UBOX5: variants seen among roughly 807,000 people sequenced by gnomAD.
UBOX5 encodes the protein U-box domain containing 5, also known as RING finger protein 37.
A neutral mutation model predicts 39.0 loss-of-function variants in UBOX5; 28 were observed. The ratio of observed to expected loss-of-function variants is 0.72; its 90% CI spans 0.53 to 0.98. The LOEUF is 0.98. UBOX5 is among the 50% of genes least tolerant of loss of function. The pLI is 0.00. For synonymous variants in UBOX5, 283 were observed against 275.5 expected (o/e 1.03, Z -0.27); for missense variants, 585 against 674.4 (o/e 0.87, Z 1.47).
rs558684581 is a variant in UBOX5, at chr20:3,121,238, C to G, written c.1255+146G>C. 235 of 1,220,550 alleles carry G rather than the reference C, an allele frequency of 1.9e-4. 2 individuals are homozygous for G. The South Asian group carries it at 3.4e-3, about 18-fold the overall frequency. 75.6% of individuals were successfully genotyped at this position (1,220,550 alleles called of 1,614,324 possible). A position where few individuals can be genotyped will look rare whatever the true frequency, so the allele number is the denominator to read the frequency against. On this transcript the variant is annotated intron_variant, in intron 3 of 4. Coordinates refer to ENST00000217173, the MANE Select transcript of UBOX5 (RefSeq NM_014948.4). ...CTGGTCTGAAGACAAAGCTGAGGGG[C>G]CCCAGGATGGGAAACGGGAAGGAGG...
Position 3,108,981 on chromosome 20 carries a change from A to G in UBOX5, c.*1125T>C, listed in dbSNP as rs1051804094. On this transcript the variant is annotated 3_prime_UTR_variant, in exon 5 of 5. Coordinates refer to ENST00000217173, the MANE Select transcript of UBOX5 (RefSeq NM_014948.4). ...CAACTAACCCCAAACCCAGATCTCT[A>G]AAGTATTGGGTGTGGACTAGAGCTC... is the stretch of plus-strand genomic sequence containing the variant. The G allele has an allele frequency of 6.6e-6, 1 of 151,238 alleles. No homozygotes were observed. The highest frequency in any genetic ancestry group is 3.2e-3 in the Middle Eastern group (1 of 314). The allele number at this position is 151,238 out of a possible 1,614,324, so 9.4% of individuals were successfully genotyped here.
intron 1 of UBOX5, chr20:3,148,878 A>T: frequency 1.2e-6 from 2 of 1,614,170 alleles, no homozygotes; most frequent in Non-Finnish European, 1.7e-6. Flanking sequence ...ATTCTCCGAG[A>T]AGAGAAGGTG....
At chr20:3,113,251 G>A (rs892496980) in intron 4 of UBOX5, among the ~76,000 whole-genome samples, 1 of 144,876 alleles carries the variant, frequency 6.9e-6, no homozygotes, top group African/African-American at 2.6e-5. Flanking sequence ...TTGCGCCATT[G>A]TACTCTAGCC....
At chr20:3,142,927 G>A (rs1165726602) in intron 1 of UBOX5, among the ~76,000 whole-genome samples, 2 of 150,948 alleles carry the variant, frequency 1.3e-5, no homozygotes, top group South Asian at 2.1e-4. Context: ...GAGCAATAAG[G>A]CAAGAAAAAA....
At chr20:3,138,883 G>A (rs1268031461) in intron 1 of UBOX5, among the ~76,000 whole-genome samples, 1 of 152,052 alleles carries the variant, frequency 6.6e-6, no homozygotes, top group East Asian at 1.9e-4. Flanking sequence ...CCATAGCTGC[G>A]TTATACAATC....
intron 1 of UBOX5, among the ~76,000 whole-genome samples, chr20:3,133,589 C>A (rs1468546637): frequency 2.0e-5 from 3 of 152,024 alleles, no homozygotes; most frequent in Admixed American, 2.0e-4. Context: ...ATAGTAGACA[C>A]TCTTGTACCT....
chr20:3,130,761 C>A (rs911528896), intron 1 of UBOX5, among the ~76,000 whole-genome samples: 1 of 150,886 alleles, frequency 6.6e-6, no homozygotes, highest in African/African-American at 2.4e-5. Context: ...TTGATTTTAA[C>A]ACATTTTCAG....
chr20:3,128,773 G>A (rs1317146440), intron 1 of UBOX5, among the ~76,000 whole-genome samples: 1 of 152,136 alleles, frequency 6.6e-6, no homozygotes, highest in African/African-American at 2.4e-5. Context: ...GGAGGCAAGA[G>A]GATCACTTGA....
At chr20:3,145,274 T>C (rs1398518794) in intron 1 of UBOX5, among the ~76,000 whole-genome samples, 1 of 151,690 alleles carries the variant, frequency 6.6e-6, no homozygotes, top group Non-Finnish European at 1.5e-5. Context: ...CACCTCAGCC[T>C]CCTAAGTAGC....
rs746327122 is a variant in UBOX5 at position 3,122,135 on chromosome 20, G to C, written c.504C>G (p.Ser168Arg). 6.2e-7 allele frequency: 1 copy of C among 1,614,128 alleles called. No individual in the cohort carries two copies. Residue 168 changes from serine (S) to arginine (R), a missense_variant, in exon 3 of 5, where the codon AGC (serine) becomes AGG (arginine). Transcript: ENST00000217173. ...ELWNKGALSL[S>R]HVAHLRICIT... Reference sequence around the variant, plus strand: ...TACAGATCCTTAAGTGGGCCACGTGGCTAAGGGAAAGAGCCCCTTTATTCC... The same window carrying C: ...TACAGATCCTTAAGTGGGCCACGTGCCTAAGGGAAAGAGCCCCTTTATTCC...
intron 2 of UBOX5, among the ~76,000 whole-genome samples, 157 bp downstream of exon 2, chr20:3,123,155 C>G (rs1287125496): frequency 6.6e-6 from 1 of 152,152 alleles, no homozygotes; most frequent in Non-Finnish European, 1.5e-5. Flanking sequence ...AGAGGTGAGC[C>G]TGCCCCATGC....
chr20:3,156,955 T>A (rs2122133976), intron 1 of UBOX5, among the ~76,000 whole-genome samples: 1 of 152,258 alleles, frequency 6.6e-6, no homozygotes, highest in South Asian at 2.1e-4. Context: ...TTGAGCAACC[T>A]TAAGAATTAA....
chr20:3,149,056 G>C lies in UBOX5; in HGVS notation c.-42+10710C>G. On this transcript the variant is annotated intron_variant, in intron 1 of 4. Transcript: ENST00000217173. The surrounding 1 kb of genome is among the most constrained non-coding windows in gnomAD (Gnocchi z 4.1). ...GGTATCTTACAAGTTTTAATGACTT[G>C]AGAGTAGCTGCCATTCTGGTGTCAG... is the stretch of plus-strand genomic sequence containing the variant. 6.2e-7 allele frequency: 1 copy of C among 1,610,842 alleles called. No homozygotes were observed. The highest frequency in any genetic ancestry group is 8.5e-7 in the Non-Finnish European group (1 of 1,178,082).
intron 1 of UBOX5, chr20:3,147,117 G>A: frequency 1.2e-6 from 2 of 1,613,844 alleles, no homozygotes; most frequent in South Asian, 1.1e-5. Flanking sequence ...ATGGGCTGCT[G>A]CCCAGGCTCT....
chr20:3,122,023 T>C lies in UBOX5; in HGVS notation c.616A>G (p.Ile206Val), dbSNP rs574372342. 3.1e-6 allele frequency: 5 copies of C among 1,614,244 alleles called. No homozygotes were observed. In the South Asian group the frequency reaches 5.5e-5, roughly 18 times the overall value. ...QPAKTCSQEV[I>V]DSILLVTSEN... Reference sequence around the variant, plus strand: ...GAGGTGACCAGCAGGATGCTGTCTATCACTTCCTGGGAGCAGGTCTTGGCC... The same window carrying C: ...GAGGTGACCAGCAGGATGCTGTCTACCACTTCCTGGGAGCAGGTCTTGGCC... The change falls in exon 3 of 5, where the codon ATA (isoleucine) becomes GTA (valine). Residue 206 changes from isoleucine to valine, a missense_variant. Physicochemically the swap from Ile to Val is conservative, Grantham distance 29. Transcript: ENST00000217173.
At chr20:3,125,744 G>A (rs1338888042) in intron 1 of UBOX5, among the ~76,000 whole-genome samples, 8 of 148,832 alleles carry the variant, frequency 5.4e-5, no homozygotes, top group African/African-American at 1.5e-4. Flanking sequence ...GGGAGGTGAG[G>A]AGCGCCTCTG....
intron 1 of UBOX5, among the ~76,000 whole-genome samples, chr20:3,126,372 G>GAAGGCC (rs1045411886): frequency 6.6e-6 from 1 of 152,046 alleles, no homozygotes; most frequent in African/African-American, 2.4e-5. Flanking sequence ...AAACACTGCG[G>GAAGGCC]AAGGCCGCAG....
At position 3,122,519 on chromosome 20, in the gene UBOX5, A is replaced by T. The variant is rs1261907968; in HGVS notation, c.120T>A (p.Gly40=). 3 of 1,613,020 alleles carry T rather than the reference A, an allele frequency of 1.9e-6. No homozygotes were observed. The Admixed American group carries it at 5.0e-5, about 27-fold the overall frequency. The change falls in exon 3 of 5, where the codon GGT becomes GGA. Residue 40 remains glycine (G), a synonymous_variant. Transcript: ENST00000217173. The part of the protein sequence containing the change: ...ISEDLTKRSH[G]FRTEYFIKPP... ...GCTTAATGAAATACTCTGTCCTGAA[A>T]CCATGACTTCTCTTTGTGAGATCTT...
At chr20:3,131,211 A>G (rs371038303) in intron 1 of UBOX5, among the ~76,000 whole-genome samples, 2 of 151,808 alleles carry the variant, frequency 1.3e-5, no homozygotes, top group African/African-American at 4.9e-5. Flanking sequence ...CCTGGGCAAC[A>G]GAGTGAGACT....
Sources: gnomAD v4.1 joint callset for allele counts (sites outside exome capture counted in the v4.1 genomes callset) on GRCh38, gnomAD v4.1.1 for gene constraint, Gnocchi (gnomAD v3.1) non-coding constraint, MANE v1.5 for transcripts, NCBI Gene and HGNC (gene_info 2026-07-23, HGNC 2026-07-21) for gene names.